The following ZMYND8 variants were observed in gnomAD, a reference collection of about 807,000 sequenced individuals.
The protein encoded by ZMYND8 is MYND-type zinc finger-containing chromatin reader ZMYND8.
ZMYND8 carries 37 observed loss-of-function variants against 140.8 expected under a neutral mutation model. The observed-to-expected ratio is 0.26, with a 90% CI of 0.20 to 0.35. The LOEUF is 0.35. ZMYND8 is among the 10% of genes least tolerant of loss of function. The probability of loss-of-function intolerance (pLI) is 1.00; values close to 1 mark genes in which losing one functional copy is unlikely to be tolerated. For missense variants in ZMYND8, 1,068 were observed against 1,570.0 expected, an observed-to-expected ratio of 0.68 and a Z score of 5.40; for synonymous variants, 592 against 597.1, an observed-to-expected ratio of 0.99 and a Z score of 0.12.
At chr20:47,224,200 G>A in intron 19 of ZMYND8, 117 bp downstream of exon 19, 1 of 1,501,450 alleles carries the variant, frequency 6.7e-7, no homozygotes, top group Non-Finnish European at 9.0e-7. Flanking sequence ...GAGTGAAAGT[G>A]TCCAGAAGCC....
At chr20:47,309,921 C>A in intron 3 of ZMYND8, 135 bp downstream of exon 3, 1 of 1,247,900 alleles carries the variant, frequency 8.0e-7, no homozygotes, top group Non-Finnish European at 1.1e-6. Context: ...TTTTTTTGTC[C>A]AAGGCAAATG....
intron 10 of ZMYND8, among the ~76,000 whole-genome samples, chr20:47,279,757 C>CT (rs11476452): frequency 0.016 from 2,289 of 143,242 alleles, 48 homozygotes; most frequent in East Asian, 0.045. Flanking sequence ...TTGGTGTCCG[C>CT]TTTTTTTTTT....
At chr20:47,356,289 C>A in intron 1 of ZMYND8, 13 of 1,230,088 alleles carry the variant, frequency 1.1e-5, no homozygotes, top group Non-Finnish European at 1.4e-5. Flanking sequence ...AGGGGGGGAA[C>A]TGCTCAGAGA....
intron 11 of ZMYND8, among the ~76,000 whole-genome samples, chr20:47,266,741 C>T (rs1162511381): frequency 6.6e-6 from 1 of 152,156 alleles, no homozygotes; most frequent in Non-Finnish European, 1.5e-5. Context: ...ACCATATGGC[C>T]CCCAACGGGG....
intron 20 of ZMYND8, among the ~76,000 whole-genome samples, chr20:47,220,983 G>A (rs1034557689): frequency 6.6e-6 from 1 of 152,114 alleles, no homozygotes; most frequent in African/African-American, 2.4e-5. Flanking sequence ...GGTCACACTA[G>A]CTGCATTTCA....
intron 2 of ZMYND8, among the ~76,000 whole-genome samples, chr20:47,330,076 C>T (rs1456479657): frequency 6.6e-6 from 1 of 152,166 alleles, no homozygotes; most frequent in Non-Finnish European, 1.5e-5. Flanking sequence ...ATAAAGGGTT[C>T]AGGCCAAGAG....
intron 20 of ZMYND8, among the ~76,000 whole-genome samples, chr20:47,220,997 G>A (rs2036857715): frequency 2.0e-5 from 3 of 152,160 alleles, no homozygotes. Context: ...CATTTCAAGT[G>A]CTCAAAAGCT....
chr20:47,246,040 T>C lies in ZMYND8; in HGVS notation c.2252A>G (p.Lys751Arg). 1.9e-6 allele frequency: 3 copies of C among 1,605,822 alleles called. No individual in the cohort carries two copies. The East Asian group carries it at 6.7e-5, about 36-fold the overall frequency. The change falls in exon 14 of 23, where the codon AAG (lysine) becomes AGG (arginine). Residue 751 changes from lysine to arginine, a missense_variant. This residue lies in a region of ZMYND8 where 383 missense variants were observed against 431.2 expected (regional missense o/e 0.89). Coordinates refer to ENST00000471951, the MANE Select transcript of ZMYND8 (RefSeq NM_001281775.3). Reference protein sequence around the residue: ...HSGREGRKNKKEPKEPSPKQD... With the variant: ...HSGREGRKNKREPKEPSPKQD... ...TTTGGGAGATGGTTCTTTGGGTTCC[T>C]TCTTATTTTTTCGACCCTCCCGCCC... is the stretch of plus-strand genomic sequence containing the variant.
chr20:47,251,171 A>C (rs2074138022), intron 12 of ZMYND8, among the ~76,000 whole-genome samples: 2 of 152,168 alleles, frequency 1.3e-5, no homozygotes, highest in African/African-American at 2.4e-5. Context: ...AAAAATAGCA[A>C]AAACAGTATC....
intron 12 of ZMYND8, among the ~76,000 whole-genome samples, chr20:47,252,477 A>C (rs2074270769): frequency 6.6e-6 from 1 of 152,094 alleles, no homozygotes; most frequent in Non-Finnish European, 1.5e-5. Flanking sequence ...CAGCCTTTTC[A>C]AGAATAAAGA....
intron 12 of ZMYND8, among the ~76,000 whole-genome samples, chr20:47,261,339 C>A (rs2075135729): frequency 6.6e-6 from 1 of 151,984 alleles, no homozygotes; most frequent in South Asian, 2.1e-4. Context: ...GAGTTCAAGA[C>A]CAGCCTGGGC....
chr20:47,351,865 C>T, intron 1 of ZMYND8: 1 of 985,408 alleles, frequency 1.0e-6, no homozygotes, highest in Non-Finnish European at 1.2e-6. Flanking sequence ...AGTTTCAAAG[C>T]CACCTTCCTA....
At chr20:47,299,179 A>C (rs2077835087) in intron 3 of ZMYND8, among the ~76,000 whole-genome samples, 1 of 152,228 alleles carries the variant, frequency 6.6e-6, no homozygotes. Context: ...GCTGGTATCT[A>C]AGAGTTACAA....
chr20:47,218,941 C>T (rs929032949), intron 21 of ZMYND8, among the ~76,000 whole-genome samples: 2 of 151,956 alleles, frequency 1.3e-5, no homozygotes, highest in African/African-American at 2.4e-5. Flanking sequence ...TCAAGAGAAT[C>T]GTCAGTGGCT....
chr20:47,314,538 C>A (rs796716755), intron 2 of ZMYND8, among the ~76,000 whole-genome samples: 18 of 152,274 alleles, frequency 1.2e-4, no homozygotes, highest in African/African-American at 4.1e-4. Context: ...AATTATCAGG[C>A]CCCACCCCAG....
chr20:47,301,882 T>C (rs1295387929), intron 3 of ZMYND8, among the ~76,000 whole-genome samples: 1 of 152,152 alleles, frequency 6.6e-6, no homozygotes, highest in East Asian at 1.9e-4. Context: ...GGGAGGTAAT[T>C]GAATCATGGA....
intron 2 of ZMYND8, among the ~76,000 whole-genome samples, chr20:47,330,964 G>A (rs1272735626): frequency 6.6e-6 from 1 of 152,214 alleles, no homozygotes; most frequent in Admixed American, 6.5e-5. Context: ...GTAAGGAGAG[G>A]AAGGCAAGGA....
intron 22 of ZMYND8, 41 bp downstream of exon 22, chr20:47,212,601 A>C: frequency 6.2e-7 from 1 of 1,606,144 alleles, no homozygotes; most frequent in Non-Finnish European, 8.5e-7. Flanking sequence ...GCATACCAGG[A>C]AGAAGCCCCG....
intron 1 of ZMYND8, among the ~76,000 whole-genome samples, chr20:47,351,438 T>A (rs554004496): frequency 6.6e-6 from 1 of 152,194 alleles, no homozygotes; most frequent in African/African-American, 2.4e-5. Context: ...CACAAGACTC[T>A]GGTTCTACAG....
Sources: allele counts gnomAD v4.1 joint callset (sites outside exome capture counted in the v4.1 genomes callset), GRCh38; gene constraint gnomAD v4.1.1; regional missense constraint gnomAD v4.1.1; transcripts MANE v1.5; gene names NCBI Gene and HGNC (gene_info 2026-07-23, HGNC 2026-07-21).